The following SULT1A1 variants were observed in gnomAD, a reference collection of about 807,000 sequenced individuals.
SULT1A1 encodes the protein sulfotransferase 1A1.
SULT1A1 carries 35 observed loss-of-function variants against 36.8 expected under a neutral mutation model. The observed-to-expected ratio is 0.95, with a 90% CI of 0.73 to 1.26. The LOEUF (loss-of-function observed/expected upper bound fraction) is 1.26. Among genes scored for constraint, SULT1A1 ranks in the 50% most tolerant of loss-of-function variants. SULT1A1 has a pLI of 0.00. For missense variants in SULT1A1, 309 were observed against 383.0 expected (o/e 0.81, Z 1.61); for synonymous variants, 119 against 146.0 (o/e 0.82, Z 1.33).
At chr16:28,622,319 C>T (rs1224147766) in intron 1 of SULT1A1, among the ~76,000 whole-genome samples, 1 of 152,136 alleles carries the variant, frequency 6.6e-6, no homozygotes, top group Non-Finnish European at 1.5e-5. Context: ...GGAATGAACC[C>T]CGGTATTTTT....
intron 2 of SULT1A1, chr16:28,619,924 TATATATACATATACAC>T: frequency 1.6e-6 from 1 of 618,208 alleles, no homozygotes; most frequent in Non-Finnish European, 2.6e-6. Flanking sequence ...TCTATGTACA[TATATATACATATACAC>T]ATATATACAC....
chr16:28,617,677 G>A (rs968084663), intron 2 of SULT1A1, among the ~76,000 whole-genome samples: 1 of 152,044 alleles, frequency 6.6e-6, no homozygotes, highest in Non-Finnish European at 1.5e-5. Context: ...GAGTAGCTGG[G>A]ATTACAGGCA....
chr16:28,610,260 T>G, upstream of SULT1A1: 5 of 1,107,928 alleles, frequency 4.5e-6, no homozygotes, highest in South Asian at 7.2e-5. Context: ...GGTTTTTTTT[T>G]TCTGTTTTTT....
rs1487739820 is a variant in SULT1A1 at position 28,606,072 on chromosome 16, G to A, written c.759C>T (p.Ser253=). 2.5e-5 allele frequency: 40 copies of A among 1,611,308 alleles called. No homozygotes were observed. Among genetic ancestry groups the A allele is most frequent in the Non-Finnish European group, 3.3e-5 (39 of 1,178,140 alleles). The change falls in exon 7 of 8, where the codon TCC becomes TCT. Residue 253 remains serine, a synonymous_variant. Coordinates refer to ENST00000314752, the MANE Select transcript of SULT1A1 (RefSeq NM_001055.4). ...AGCACCCACCTTTCCTCATGAAGGGGGAGATGCTGTGGTCCATGAACTCCT... is the reference window on the plus strand; with the variant it reads ...AGCACCCACCTTTCCTCATGAAGGGAGAGATGCTGTGGTCCATGAACTCCT... ...VPQEFMDHSI[S]PFMRKGMAGD...
chr16:28,623,097 T>TGG, intron 1 of SULT1A1: 3 of 1,391,248 alleles, frequency 2.2e-6, no homozygotes, highest in Non-Finnish European at 2.9e-6. Flanking sequence ...CCAATACTGG[T>TGG]CCCACCCCCC....
At chr16:28,611,366 C>G (rs564136746), upstream of SULT1A1, 12 of 152,248 alleles carry the variant, frequency 7.9e-5, 1 homozygote, top group East Asian at 1.5e-3. Context: ...CAACCAGACA[C>G]AACATGGCGC....
chr16:28,615,828 G>C (rs1412941692), intron 2 of SULT1A1, among the ~76,000 whole-genome samples: 34 of 152,370 alleles, frequency 2.2e-4, no homozygotes, highest in Non-Finnish European at 2.9e-5. Context: ...TCCCTGCCTG[G>C]CAGCCGAGGC....
In SULT1A1 at chr16:28,620,021, AC is replaced by A. The variant is rs763022535; in HGVS notation, c.138+41del. 3.1e-5 allele frequency: 49 copies of A among 1,559,872 alleles called. No homozygotes were observed. The Middle Eastern group carries it at 7.3e-4, about 23-fold the overall frequency. ...TGTGTGTGTGTGTGTGTATATACAC[AC>A]ACAAAAAGATACTGATAACATTTTC... On this transcript the variant is annotated intron_variant, in intron 2 of 5. Coordinates refer to the SULT1A1 transcript ENST00000350842.
rs1047546330 is a variant in SULT1A1, at chr16:28,617,543, C to CT, written c.138+2519dup. Among the ~76,000 whole-genome samples the CT allele has an allele frequency of 5.6e-3, 817 of 146,696 alleles. 4 individuals carry two copies. Among genetic ancestry groups the CT allele is most frequent in the African/African-American group, 0.018 (738 of 40,216 alleles). On this transcript the variant is annotated intron_variant, in intron 2 of 5. Coordinates refer to the SULT1A1 transcript ENST00000350842. Reference sequence around the variant, plus strand: ...CCTGGAAGACAGTTTCTTTTCTTTTCTTTTTTTTTTTCTTTTTGTGACGGA... The same window carrying CT: ...CCTGGAAGACAGTTTCTTTTCTTTTCTTTTTTTTTTTTCTTTTTGTGACGGA...
intron 1 of SULT1A1, among the ~76,000 whole-genome samples, chr16:28,622,055 C>G (rs531694497): frequency 6.6e-6 from 1 of 152,248 alleles, no homozygotes; most frequent in African/African-American, 2.4e-5. Flanking sequence ...AAGTCTTCAC[C>G]CCGGGAGAAG....
intron 1 of SULT1A1, 41 bp downstream of exon 1, chr16:28,609,890 C>G (rs2047378906): frequency 7.9e-7 from 1 of 1,258,804 alleles, no homozygotes; most frequent in Non-Finnish European, 1.0e-6. Context: ...ACAAGCTGAG[C>G]AGGGTGAGGG....
intron 1 of SULT1A1, chr16:28,609,523 G>A (rs1263343996): frequency 5.3e-6 from 4 of 748,304 alleles, no homozygotes; most frequent in Non-Finnish European, 5.9e-6. Context: ...CAGACCCTAG[G>A]GAGGCTGAGG....
chr16:28,622,762 CGTGGGCCTTTTTCA>C (rs1481325133), intron 1 of SULT1A1, among the ~76,000 whole-genome samples: 1 of 152,134 alleles, frequency 6.6e-6, no homozygotes, highest in Non-Finnish European at 1.5e-5. Context: ...TTTATTTTCC[CGTGGGCCTTTTTCA>C]GGGGGCAAAG....
chr16:28,610,180 C>T (rs561116834), upstream of SULT1A1: 14 of 1,283,600 alleles, frequency 1.1e-5, no homozygotes, highest in Middle Eastern at 3.2e-4. Flanking sequence ...TCCAAAGCCA[C>T]GACTGAGTTT....
At position 28,607,051 on chromosome 16, in the gene SULT1A1, C is replaced by A. The variant is rs1177792893; in HGVS notation, c.399G>T (p.Lys133Asn). ...AGTGGTAGTAGGAAACTGCCACATC[C>A]TTTGCGTTGCGGGCAACATAGACCA... ...VKVVYVARNA[K>N]DVAVSYYHFY... The change falls in exon 5 of 8, where the codon AAG becomes AAT. Residue 133 changes from lysine (K) to asparagine (N), a missense_variant. Coordinates refer to ENST00000314752, the MANE Select transcript of SULT1A1 (RefSeq NM_001055.4). The A allele has an allele frequency of 1.9e-6, 3 of 1,612,430 alleles. No homozygotes were observed. The highest frequency in any genetic ancestry group is 2.5e-6 in the Non-Finnish European group (3 of 1,178,734).
chr16:28,609,865 T>C (rs2151700867), intron 1 of SULT1A1, 66 bp downstream of exon 1: 1 of 1,232,462 alleles, frequency 8.1e-7, no homozygotes, highest in Non-Finnish European at 1.0e-6. Context: ...CCTCAGCTTC[T>C]GGAATGTTAG....
In SULT1A1 at chr16:28,608,619, G is replaced by A; in HGVS notation, c.149-16C>T. 3 of 1,611,820 alleles carry A rather than the reference G, an allele frequency of 1.9e-6. No individual in the cohort carries two copies. Among genetic ancestry groups the A allele is most frequent in the Middle Eastern group, 3.3e-4 (2 of 6,036 alleles). On this transcript the variant is annotated splice_polypyrimidine_tract_variant and intron_variant, in intron 2 of 7. Coordinates refer to ENST00000314752, the MANE Select transcript of SULT1A1 (RefSeq NM_001055.4). ...CAGGTAGTGCCTGGAGAGGGAGGGA[G>A]ATGGGAGGTGAGCAGGCTGAGGGCA... is the stretch of plus-strand genomic sequence containing the variant.
chr16:28,621,002 C>T (rs1281994702), intron 1 of SULT1A1, among the ~76,000 whole-genome samples: 1 of 151,728 alleles, frequency 6.6e-6, no homozygotes, highest in Non-Finnish European at 1.5e-5. Flanking sequence ...CCCAGCTTCT[C>T]GAGAAGCTGA....
chr16:28,605,710 G>A lies in SULT1A1; in HGVS notation c.*111C>T, dbSNP rs1385486354. 1 of 1,544,620 alleles carries A rather than the reference G, an allele frequency of 6.5e-7. No individual in the cohort carries two copies. Among genetic ancestry groups the A allele is most frequent in the African/African-American group, 1.4e-5 (1 of 73,674 alleles). On this transcript the variant is annotated 3_prime_UTR_variant, in exon 8 of 8. Transcript: ENST00000314752. ...TCCCACCTCAGCCTCCAAATTGCTG[G>A]GATTACAGACATGACCTACCGTCCC...
Sources: gnomAD v4.1 joint callset for allele counts (sites outside exome capture counted in the v4.1 genomes callset) on GRCh38, gnomAD v4.1.1 for gene constraint, MANE v1.5 for transcripts, NCBI Gene and HGNC (gene_info 2026-07-23, HGNC 2026-07-21) for gene names.